ANKRD44: variants seen among roughly 807,000 people sequenced by gnomAD.
The protein encoded by ANKRD44 is serine/threonine-protein phosphatase 6 regulatory ankyrin repeat subunit B.
ANKRD44 carries 35 observed loss-of-function variants against 116.0 expected under a neutral mutation model. The ratio of observed to expected loss-of-function variants is 0.30; its 90% CI spans 0.23 to 0.40. ANKRD44 has a LOEUF of 0.40. ANKRD44 is among the 10% of genes least tolerant of loss of function. The probability of loss-of-function intolerance (pLI) is 1.00; values close to 1 mark genes in which losing one functional copy is unlikely to be tolerated. For synonymous variants in ANKRD44, 435 were observed against 461.8 expected, an observed-to-expected ratio of 0.94 and a Z score of 0.74; for missense variants, 1,014 against 1,242.6, an observed-to-expected ratio of 0.82 and a Z score of 2.77.
intron 16 of ANKRD44, chr2:197,028,561 C>A (rs2076641929): frequency 6.5e-6 from 1 of 153,914 alleles, no homozygotes; most frequent in South Asian, 2.0e-4. Flanking sequence ...TTCCTAGACT[C>A]CCTTGAGCTA....
chr2:197,121,310 A>G, intron 8 of ANKRD44, 22 bp downstream of exon 8: 1 of 1,607,446 alleles, frequency 6.2e-7, no homozygotes, highest in Non-Finnish European at 8.5e-7. Context: ...GGCATTCAAC[A>G]CAGAGACTAA....
At chr2:197,163,489 T>C (rs1010113315) in intron 2 of ANKRD44, among the ~76,000 whole-genome samples, 3 of 152,240 alleles carry the variant, frequency 2.0e-5, no homozygotes. Context: ...AGTCTCTGGC[T>C]AGCCCCAACA....
At chr2:197,079,245 C>T (rs2077740862) in intron 15 of ANKRD44, among the ~76,000 whole-genome samples, 1 of 149,472 alleles carries the variant, frequency 6.7e-6, no homozygotes, top group Admixed American at 6.7e-5. Context: ...TTAACCTCAC[C>T]ATAAAATCAA....
At chr2:196,985,613 C>T (rs1045888863), downstream of ANKRD44, among the ~76,000 whole-genome samples, 3 of 152,214 alleles carry the variant, frequency 2.0e-5, no homozygotes, top group African/African-American at 7.2e-5. Context: ...AGATCACTAT[C>T]TTCAAAAATT....
At chr2:197,170,679 A>C (rs79993074) in intron 2 of ANKRD44, among the ~76,000 whole-genome samples, 6,168 of 152,286 alleles carry the variant, frequency 0.041, 148 homozygotes, top group Middle Eastern at 0.075. Flanking sequence ...TAAAGTCTGA[A>C]ATGTTCATGA....
At chr2:197,286,609 C>T (rs1158989861) in intron 1 of ANKRD44, among the ~76,000 whole-genome samples, 1 of 151,952 alleles carries the variant, frequency 6.6e-6, no homozygotes, top group Non-Finnish European at 1.5e-5. Flanking sequence ...AACTCATGAC[C>T]TCAAGTGATC....
chr2:197,037,332 G>A (rs2076826608), intron 16 of ANKRD44, among the ~76,000 whole-genome samples: 2 of 152,172 alleles, frequency 1.3e-5, no homozygotes, highest in South Asian at 4.1e-4. Context: ...AATAATGTAA[G>A]GGGTTGATGT....
intron 1 of ANKRD44, among the ~76,000 whole-genome samples, chr2:197,216,973 A>G (rs1404895545): frequency 6.6e-6 from 1 of 152,084 alleles, no homozygotes; most frequent in Non-Finnish European, 1.5e-5. Flanking sequence ...GTGACCATCA[A>G]AAACGAAAAG....
chr2:196,974,518 G>A (rs759708994), intron 21 of ANKRD44, among the ~76,000 whole-genome samples: 5 of 152,068 alleles, frequency 3.3e-5, no homozygotes, highest in Non-Finnish European at 5.9e-5. Flanking sequence ...ATGCTAGGAG[G>A]AAAATTTATA....
At chr2:197,235,614 T>TAA (rs5837532) in intron 1 of ANKRD44, among the ~76,000 whole-genome samples, 96 of 100,894 alleles carry the variant, frequency 9.5e-4, no homozygotes, top group South Asian at 3.1e-3. Flanking sequence ...AGACTCTGTC[T>TAA]AAAAAAAAAA....
chr2:197,105,154 C>A (rs1353129394), intron 9 of ANKRD44, among the ~76,000 whole-genome samples: 1 of 151,974 alleles, frequency 6.6e-6, no homozygotes, highest in African/African-American at 2.4e-5. Flanking sequence ...GCTTTTGTTG[C>A]CCAGGCTGGA....
chr2:197,023,896 C>T (rs184588353), intron 17 of ANKRD44, among the ~76,000 whole-genome samples: 4 of 152,162 alleles, frequency 2.6e-5, no homozygotes, highest in Non-Finnish European at 4.4e-5. Context: ...AGTCCATCTC[C>T]GGGAACACAG....
At chr2:197,132,370 C>A (rs1156727530) in intron 4 of ANKRD44, among the ~76,000 whole-genome samples, 1 of 152,202 alleles carries the variant, frequency 6.6e-6, no homozygotes, top group Non-Finnish European at 1.5e-5. Context: ...ATGTCTTGAT[C>A]TACTTTCTTG....
At chr2:197,216,362 T>C (rs982965755) in intron 1 of ANKRD44, among the ~76,000 whole-genome samples, 4 of 152,170 alleles carry the variant, frequency 2.6e-5, no homozygotes, top group Non-Finnish European at 5.9e-5. Flanking sequence ...ACAAATTTCT[T>C]TGGAGTTTCT....
chr2:197,299,646 A>T (rs1324981922), intron 1 of ANKRD44: 2 of 152,246 alleles, frequency 1.3e-5, no homozygotes, highest in Admixed American at 6.5e-5. Context: ...ACACGAAGGC[A>T]TAAGAATGAT....
In ANKRD44 at chr2:196,979,554, C is replaced by CTTTTTTTTTTTTTTT. The variant is rs71012942; in HGVS notation, c.2369-12123_2369-12109dup. ...CAGCCTGAGTAATTTAATAAGATGA[C>CTTTTTTTTTTTTTTT]TTTTTTTTTTTTTTTTTTTTTTTTT... On this transcript the variant is annotated intron_variant, in intron 21 of 21. Transcript: ENST00000424317. 5.9e-4 allele frequency among the ~76,000 whole-genome samples: 35 copies of CTTTTTTTTTTTTTTT among 59,644 alleles called. 1 individual carries two copies. The highest frequency in any genetic ancestry group is 1.7e-3 in the South Asian group (2 of 1,178). 39.1% of individuals were successfully genotyped at this position (59,644 alleles called of 152,430 possible).
chr2:197,059,726 G>C (rs1400215377), intron 16 of ANKRD44, among the ~76,000 whole-genome samples: 1 of 152,172 alleles, frequency 6.6e-6, no homozygotes, highest in Non-Finnish European at 1.5e-5. Context: ...TGCAATTTTA[G>C]ATACACCATC....
rs1170822835 is a variant in ANKRD44, at chr2:196,989,646, G to A, written c.2927C>T (p.Ser976Phe). 2 of 1,550,146 alleles carry A rather than the reference G, an allele frequency of 1.3e-6. No homozygotes were observed. Among genetic ancestry groups the A allele is most frequent in the Non-Finnish European group, 1.7e-6 (2 of 1,146,810 alleles). ...TGTGGAACGGGGTCCATTTGACCTA[G>A]AAGCTTTGGCAGAGGGAGCAGACAC... is the stretch of plus-strand genomic sequence containing the variant. ...ACVLAVDENA[S>F]RSNGPRSTPG... The change falls in exon 28 of 28, where the codon TCT becomes TTT. Residue 976 changes from serine to phenylalanine, a missense_variant. By Grantham distance (155) the Ser-to-Phe change is radical (BLOSUM62 -2). Coordinates refer to ENST00000282272, the MANE Select transcript of ANKRD44 (RefSeq NM_001195144.2).
In ANKRD44 at chr2:197,310,559, C is replaced by T. The variant is rs1356718183; in HGVS notation, c.27+19G>A. 3 of 1,167,138 alleles carry T rather than the reference C, an allele frequency of 2.6e-6. No homozygotes were observed. Among genetic ancestry groups the T allele is most frequent in the East Asian group, 5.9e-5 (1 of 17,038 alleles). 72.3% of individuals were successfully genotyped at this position (1,167,138 alleles called of 1,614,324 possible). On this transcript the variant is annotated intron_variant, in intron 1 of 27. Transcript: ENST00000282272. ...CCCCGCGCCCGCGCGTCCCGCCCGCCGGCGCCGCCGCCCGCTACCTGGTCG... is the reference window on the plus strand; with the variant it reads ...CCCCGCGCCCGCGCGTCCCGCCCGCTGGCGCCGCCGCCCGCTACCTGGTCG...
Sources: gnomAD v4.1 joint callset for allele counts (sites outside exome capture counted in the v4.1 genomes callset) on GRCh38, gnomAD v4.1.1 for gene constraint, MANE v1.5 for transcripts, NCBI Gene and HGNC (gene_info 2026-07-23, HGNC 2026-07-21) for gene names.